The following UNC13C variants were observed in gnomAD, a reference collection of about 807,000 sequenced individuals.
The protein encoded by UNC13C is unc-13 homolog C, also known as protein unc-13 homolog C.
In UNC13C, 174 loss-of-function variants were observed where a neutral mutation model predicts 245.4. The ratio of observed to expected loss-of-function variants is 0.71; its 90% CI spans 0.63 to 0.80. The LOEUF (loss-of-function observed/expected upper bound fraction) is 0.80, where lower values mean the gene tolerates loss of function less well. UNC13C is among the 30% of genes least tolerant of loss of function. The pLI is 0.00. For missense variants in UNC13C, 2,829 were observed against 2,602.9 expected (o/e 1.09, Z -1.89); for synonymous variants, 992 against 895.1 (o/e 1.11, Z -1.93).
At chr15:54,239,435 C>A (rs1359349391) in intron 7 of UNC13C, among the ~76,000 whole-genome samples, 1 of 152,098 alleles carries the variant, frequency 6.6e-6, no homozygotes, top group Admixed American at 6.5e-5. Context: ...TTCTTTCTTT[C>A]TCTCTTTCAC....
chr15:54,345,442 A>G (rs1027748831), intron 17 of UNC13C, among the ~76,000 whole-genome samples: 2 of 152,152 alleles, frequency 1.3e-5, no homozygotes, highest in Non-Finnish European at 1.5e-5. Context: ...GGGAAAAGTA[A>G]ATGAAGGCCA....
At chr15:54,105,985 A>G (rs1180845039) in intron 2 of UNC13C, among the ~76,000 whole-genome samples, 2 of 152,196 alleles carry the variant, frequency 1.3e-5, no homozygotes, top group African/African-American at 4.8e-5. Context: ...CTAGAGTGGA[A>G]ATGATCACTA....
At chr15:54,046,834 T>A (rs1229787812) in intron 2 of UNC13C, among the ~76,000 whole-genome samples, 2 of 151,792 alleles carry the variant, frequency 1.3e-5, no homozygotes, top group Non-Finnish European at 2.9e-5. Context: ...AGTATCTGGG[T>A]CAAGAGCAGA....
At chr15:53,959,576 T>C in the UNC13C span, among the ~76,000 whole-genome samples, 8 of 152,310 alleles carry the variant, frequency 5.3e-5, no homozygotes, top group East Asian at 1.4e-3. Flanking sequence ...ACCTAGTAGC[T>C]TACCCACTCT....
At chr15:54,541,264 C>A (rs1487605463) in intron 26 of UNC13C, among the ~76,000 whole-genome samples, 1 of 151,912 alleles carries the variant, frequency 6.6e-6, no homozygotes, top group African/African-American at 2.4e-5. Flanking sequence ...TCAATGTTAT[C>A]CACTGTAATT....
intron 4 of UNC13C, among the ~76,000 whole-genome samples, chr15:54,144,999 T>C (rs968449594): frequency 2.6e-5 from 4 of 151,942 alleles, no homozygotes; most frequent in Admixed American, 2.6e-4. Flanking sequence ...GCCATATTGT[T>C]CAGGCTGGTC....
At chr15:54,153,323 TGATA>T (rs1263352982) in intron 4 of UNC13C, among the ~76,000 whole-genome samples, 1 of 79,960 alleles carries the variant, frequency 1.3e-5, no homozygotes, top group Admixed American at 1.4e-4. Flanking sequence ...ATAATTATTA[TGATA>T]TAAGTAATAC....
intron 17 of UNC13C, among the ~76,000 whole-genome samples, chr15:54,383,096 A>G (rs775979026): frequency 6.6e-6 from 1 of 152,202 alleles, no homozygotes; most frequent in Non-Finnish European, 1.5e-5. Flanking sequence ...GATGGATTCA[A>G]TGCAGAATTC....
At chr15:54,499,540 G>C (rs1894105140) in intron 20 of UNC13C, among the ~76,000 whole-genome samples, 1 of 152,088 alleles carries the variant, frequency 6.6e-6, no homozygotes, top group Non-Finnish European at 1.5e-5. Context: ...AATAAAGGGT[G>C]TTCTAAATAA....
the UNC13C span, among the ~76,000 whole-genome samples, chr15:53,895,826 G>T: frequency 6.6e-6 from 1 of 151,974 alleles, no homozygotes; most frequent in African/African-American, 2.4e-5. Context: ...TTGAAAATAT[G>T]AACTAAGACT....
intron 1 of UNC13C, among the ~76,000 whole-genome samples, chr15:54,008,024 T>C (rs1895219504): frequency 6.6e-6 from 1 of 152,216 alleles, no homozygotes; most frequent in African/African-American, 2.4e-5. Context: ...TTTACTGCAT[T>C]TAGTAAGGAA....
intron 4 of UNC13C, among the ~76,000 whole-genome samples, chr15:54,153,688 A>G (rs2032622744): frequency 6.6e-6 from 1 of 152,092 alleles, no homozygotes; most frequent in Non-Finnish European, 1.5e-5. Flanking sequence ...ATTGGTCTGA[A>G]AAGATTTCTA....
At chr15:54,002,738 ACAGTTTCCAATTC>A in intron 1 of UNC13C, among the ~76,000 whole-genome samples, 1 of 152,332 alleles carries the variant, frequency 6.6e-6, no homozygotes, top group Admixed American at 6.5e-5. Flanking sequence ...TTAATCTCAA[ACAGTTTCCAATTC>A]CAGAAAATTA....
chr15:54,133,784 C>T (rs1447177937), intron 2 of UNC13C, among the ~76,000 whole-genome samples: 1 of 152,036 alleles, frequency 6.6e-6, no homozygotes, highest in Non-Finnish European at 1.5e-5. Context: ...TATCTATATA[C>T]ACAATATCTG....
At chr15:54,135,938 A>G in intron 2 of UNC13C, among the ~76,000 whole-genome samples, 1 of 152,154 alleles carries the variant, frequency 6.6e-6, no homozygotes, top group East Asian at 1.9e-4. Flanking sequence ...GTCACTTAAA[A>G]TGCAAGCTTT....
At chr15:54,237,120 A>G (rs1160069763) in intron 6 of UNC13C, among the ~76,000 whole-genome samples, 2 of 152,230 alleles carry the variant, frequency 1.3e-5, no homozygotes, top group African/African-American at 2.4e-5. Context: ...GGTAAATTAA[A>G]TGAACACTTA....
At chr15:54,076,290 G>A (rs1278620602) in intron 2 of UNC13C, among the ~76,000 whole-genome samples, 1 of 121,874 alleles carries the variant, frequency 8.2e-6, no homozygotes, top group African/African-American at 3.3e-5. Flanking sequence ...CCCAGAGTGT[G>A]ATATTCCCCT....
At chr15:54,433,379 T>G (rs2040911890) in intron 19 of UNC13C, among the ~76,000 whole-genome samples, 1 of 152,088 alleles carries the variant, frequency 6.6e-6, no homozygotes, top group African/African-American at 2.4e-5. Flanking sequence ...AACAAGCTTA[T>G]CCACCACGTT....
intron 7 of UNC13C, among the ~76,000 whole-genome samples, chr15:54,241,405 T>C (rs1375429191): frequency 1.3e-5 from 2 of 152,158 alleles, no homozygotes; most frequent in African/African-American, 4.8e-5. Flanking sequence ...AACACCTCTC[T>C]GAGACTTCAA....
Sources: gnomAD v4.1 joint callset for allele counts (sites outside exome capture counted in the v4.1 genomes callset) on GRCh38, gnomAD v4.1.1 for gene constraint, MANE v1.5 for transcripts, NCBI Gene and HGNC (gene_info 2026-07-23, HGNC 2026-07-21) for gene names.